The following STXBP6 variants were observed in gnomAD, a reference collection of about 807,000 sequenced individuals.
STXBP6 encodes the protein syntaxin-binding protein 6.
In STXBP6, 21 loss-of-function variants were observed where a neutral mutation model predicts 26.9. The observed-to-expected ratio is 0.78, with a 90% CI of 0.55 to 1.12. The LOEUF (loss-of-function observed/expected upper bound fraction) is 1.12. Ranked by LOEUF, STXBP6 falls within the 50% of genes most tolerant of loss-of-function variation. STXBP6 has a pLI of 0.00. For synonymous variants in STXBP6, 97 were observed against 92.6 expected (o/e 1.05, Z -0.27); for missense variants, 232 against 257.9 (o/e 0.90, Z 0.69).
intron 2 of STXBP6, among the ~76,000 whole-genome samples, chr14:24,965,805 T>C (rs1483142935): frequency 6.6e-6 from 1 of 152,174 alleles, no homozygotes; most frequent in African/African-American, 2.4e-5. Flanking sequence ...CCTCTGACTA[T>C]AGCTTACTGA....
At chr14:24,980,404 G>A (rs1220346697) in intron 1 of STXBP6, among the ~76,000 whole-genome samples, 2 of 152,102 alleles carry the variant, frequency 1.3e-5, no homozygotes, top group Admixed American at 6.6e-5. Context: ...TGGTATGTAG[G>A]CATGTGAATA....
intron 2 of STXBP6, among the ~76,000 whole-genome samples, chr14:24,936,979 G>A (rs140531661): frequency 2.9e-3 from 438 of 152,336 alleles, no homozygotes; most frequent in African/African-American, 0.01. Context: ...ATGAGTTCAT[G>A]TCCTTTACAG....
At chr14:24,940,100 C>T (rs1029823019) in intron 2 of STXBP6, among the ~76,000 whole-genome samples, 1 of 152,182 alleles carries the variant, frequency 6.6e-6, no homozygotes, top group Non-Finnish European at 1.5e-5. Context: ...GCTGAGAGAG[C>T]AATGTAAACC....
At chr14:24,891,175 C>G (rs2070773634) in intron 2 of STXBP6, among the ~76,000 whole-genome samples, 2 of 152,140 alleles carry the variant, frequency 1.3e-5, no homozygotes, top group African/African-American at 4.8e-5. Context: ...CGGATGCAAA[C>G]AAGGCCTGAA....
Position 24,809,624 on chromosome 14 carries a change from T to A in STXBP6, c.*3085A>T, listed in dbSNP as rs905874922. On this transcript the variant is annotated 3_prime_UTR_variant, in exon 6 of 6. Coordinates refer to ENST00000323944, the MANE Select transcript of STXBP6 (RefSeq NM_001394410.1). ...CATGTACTTATTTGGTAGTGTTTTA[T>A]AGAGTTCATAAATAACTGCAAGAAA... 4.6e-5 allele frequency: 7 copies of A among 152,340 alleles called. No individual in the cohort carries two copies. Among genetic ancestry groups the A allele is most frequent in the African/African-American group, 1.7e-4 (7 of 41,582 alleles). The allele number at this position is 152,340 out of a possible 1,614,324, so 9.4% of individuals were successfully genotyped here.
chr14:24,812,507 A>G lies in STXBP6; in HGVS notation c.*202T>C, dbSNP rs945661082. Reference sequence around the variant, plus strand: ...AAAATGAAGCTGATGCTATTGTAGCATTTATTAGCAAGATCATTAGGGAAA... The same window carrying G: ...AAAATGAAGCTGATGCTATTGTAGCGTTTATTAGCAAGATCATTAGGGAAA... On this transcript the variant is annotated 3_prime_UTR_variant, in exon 6 of 6. Transcript: ENST00000323944. 2 of 593,560 alleles carry G rather than the reference A, an allele frequency of 3.4e-6. No homozygotes were observed. The highest frequency in any genetic ancestry group is 5.9e-5 in the Admixed American group (2 of 33,712). The allele number at this position is 593,560 out of a possible 1,614,324, so 36.8% of individuals were successfully genotyped here. A position where few individuals can be genotyped will look rare whatever the true frequency, so the allele number is the denominator to read the frequency against.
At chr14:24,843,003 G>A (rs973656982) in intron 4 of STXBP6, among the ~76,000 whole-genome samples, 2 of 152,164 alleles carry the variant, frequency 1.3e-5, no homozygotes, top group African/African-American at 2.4e-5. Context: ...AATGACCACT[G>A]AAGAAAGAAT....
intron 1 of STXBP6, among the ~76,000 whole-genome samples, chr14:24,977,370 TAG>T (rs2074076917): frequency 6.6e-6 from 1 of 152,074 alleles, no homozygotes; most frequent in Non-Finnish European, 1.5e-5. Context: ...TGGTGAGAAA[TAG>T]AAATGACCTT....
chr14:24,888,879 G>A (rs532428819), intron 2 of STXBP6, among the ~76,000 whole-genome samples: 6 of 152,154 alleles, frequency 3.9e-5, no homozygotes, highest in South Asian at 2.1e-4. Flanking sequence ...AATAATTACC[G>A]TTGTTGTTTT....
intron 2 of STXBP6, among the ~76,000 whole-genome samples, chr14:24,913,898 A>C (rs771509700): frequency 6.6e-6 from 1 of 152,180 alleles, no homozygotes; most frequent in Non-Finnish European, 1.5e-5. Context: ...GGAAGGATTC[A>C]AGACACATTA....
At chr14:24,812,900 C>A (rs1430503343) in intron 5 of STXBP6, among the ~76,000 whole-genome samples, 168 bp from the exon 6 acceptor site, 1 of 152,226 alleles carries the variant, frequency 6.6e-6, no homozygotes, top group African/African-American at 2.4e-5. Flanking sequence ...AAATGTGCAA[C>A]ATTTTCTCAA....
At chr14:24,896,664 A>G (rs998389830) in intron 2 of STXBP6, among the ~76,000 whole-genome samples, 7 of 152,270 alleles carry the variant, frequency 4.6e-5, no homozygotes, top group Non-Finnish European at 1.0e-4. Context: ...TATGGAGTAC[A>G]GAGGCAGAAC....
At chr14:24,872,409 T>C (rs1171044459) in intron 2 of STXBP6, among the ~76,000 whole-genome samples, 1 of 152,148 alleles carries the variant, frequency 6.6e-6, no homozygotes, top group Non-Finnish European at 1.5e-5. Flanking sequence ...CTGAAGTCAG[T>C]GATAACATAC....
At chr14:24,889,185 A>G (rs1014889233) in intron 2 of STXBP6, among the ~76,000 whole-genome samples, 2 of 151,974 alleles carry the variant, frequency 1.3e-5, no homozygotes, top group African/African-American at 4.8e-5. Flanking sequence ...ATATGAGCCA[A>G]CCACCAAGAA....
At chr14:24,859,830 T>C (rs1350316511) in intron 2 of STXBP6, among the ~76,000 whole-genome samples, 4 of 152,156 alleles carry the variant, frequency 2.6e-5, no homozygotes, top group Non-Finnish European at 5.9e-5. Context: ...ATAGGGTGGG[T>C]ATGACTCCCA....
At chr14:24,917,766 T>C (rs1226830866) in intron 2 of STXBP6, among the ~76,000 whole-genome samples, 2 of 152,068 alleles carry the variant, frequency 1.3e-5, no homozygotes, top group African/African-American at 4.8e-5. Context: ...CATCAAAATT[T>C]AAAACTTTGT....
intron 4 of STXBP6, among the ~76,000 whole-genome samples, chr14:24,830,949 T>C (rs990320174): frequency 1.3e-5 from 2 of 152,100 alleles, no homozygotes; most frequent in African/African-American, 4.8e-5. Context: ...GTTAAGACAA[T>C]TTAATGGAAA....
chr14:24,936,925 G>A (rs1248951584), intron 2 of STXBP6, among the ~76,000 whole-genome samples: 1 of 152,198 alleles, frequency 6.6e-6, no homozygotes, highest in Non-Finnish European at 1.5e-5. Context: ...AAAAGAAAAT[G>A]TGGCACATAT....
intron 2 of STXBP6, among the ~76,000 whole-genome samples, chr14:24,967,436 G>GA (rs1462885224): frequency 2.6e-5 from 4 of 152,124 alleles, no homozygotes; most frequent in African/African-American, 9.7e-5. Context: ...TGTTTCAGAG[G>GA]AAAACCCTCT....
Sources: allele counts gnomAD v4.1 joint callset (sites outside exome capture counted in the v4.1 genomes callset), GRCh38; gene constraint gnomAD v4.1.1; transcripts MANE v1.5; gene names NCBI Gene and HGNC (gene_info 2026-07-23, HGNC 2026-07-21).